PROS1: variants seen among roughly 807,000 people sequenced by gnomAD.
The protein encoded by PROS1 is vitamin K-dependent protein S.
Under a neutral mutation model 75.9 loss-of-function variants are expected in PROS1, and 29 were observed. The observed-to-expected ratio is 0.38, with a 90% CI of 0.28 to 0.52. The LOEUF (loss-of-function observed/expected upper bound fraction) is 0.52, where lower values mean the gene tolerates loss of function less well. PROS1 is among the 20% of genes least tolerant of loss of function. PROS1 has a pLI of 0.83. For synonymous variants in PROS1, 245 were observed against 280.6 expected, an observed-to-expected ratio of 0.87 and a Z score of 1.27; for missense variants, 680 against 810.3, an observed-to-expected ratio of 0.84 and a Z score of 1.95.
chr3:93,911,691 C>G (rs1420640804), intron 3 of PROS1, among the ~76,000 whole-genome samples: 1 of 152,166 alleles, frequency 6.6e-6, no homozygotes, highest in African/African-American at 2.4e-5. Context: ...AAGTTCTCCA[C>G]GTGGGTGTTT....
intron 1 of PROS1, among the ~76,000 whole-genome samples, chr3:93,955,697 T>G (rs1422143449): frequency 1.3e-5 from 2 of 150,854 alleles, no homozygotes; most frequent in African/African-American, 2.5e-5. Flanking sequence ...GCACGTTGTG[T>G]ACATGTACCC....
intron 3 of PROS1, among the ~76,000 whole-genome samples, chr3:93,912,077 T>A (rs188241252): frequency 5.6e-4 from 85 of 152,286 alleles, no homozygotes; most frequent in African/African-American, 2.0e-3. Flanking sequence ...ATAATAAAAA[T>A]TTATTGTTTT....
intron 1 of PROS1, chr3:93,928,728 C>T (rs1709063678): frequency 7.7e-7 from 1 of 1,292,956 alleles, no homozygotes; most frequent in Non-Finnish European, 1.0e-6. Context: ...AAAATTGCAT[C>T]CAGATAAGCC....
At chr3:93,917,046 C>T (rs1000833965) in intron 3 of PROS1, among the ~76,000 whole-genome samples, 1 of 152,154 alleles carries the variant, frequency 6.6e-6, no homozygotes, top group South Asian at 2.1e-4. Context: ...TCACAGAAGA[C>T]GCATCACATA....
chr3:93,961,652 A>G (rs1254241257), intron 1 of PROS1, among the ~76,000 whole-genome samples: 2 of 152,244 alleles, frequency 1.3e-5, no homozygotes, highest in Non-Finnish European at 2.9e-5. Flanking sequence ...CTAAGCTGTT[A>G]AATTTTTGGT....
At chr3:93,945,158 T>C (rs1488166676) in intron 1 of PROS1, among the ~76,000 whole-genome samples, 2 of 151,944 alleles carry the variant, frequency 1.3e-5, no homozygotes, top group Admixed American at 6.6e-5. Flanking sequence ...ATTAAGACAA[T>C]AGTTAAGAGC....
chr3:93,948,853 G>A (rs1709446721), intron 1 of PROS1, among the ~76,000 whole-genome samples: 2 of 151,956 alleles, frequency 1.3e-5, no homozygotes, highest in Non-Finnish European at 2.9e-5. Context: ...TATTTCCTTT[G>A]AGGTTATTTG....
chr3:93,877,113 G>A lies in PROS1; in HGVS notation c.1723C>T (p.Leu575=). The change falls in exon 14 of 15, where the codon CTG becomes TTG. Residue 575 remains leucine, a synonymous_variant. Coordinates refer to ENST00000394236, the MANE Select transcript of PROS1 (RefSeq NM_000313.4). ...LSLCSDQQSH[L]EFRVNRNNLE... The stretch of plus-strand genomic sequence containing the variant: ...TTGTTTCTGTTGACTCTAAATTCCA[G>A]ATGAGATTGTTGATCGGAACATAGA... 6.2e-7 allele frequency: 1 copy of A among 1,612,754 alleles called. No homozygotes were observed. The highest frequency in any genetic ancestry group is 1.1e-5 in the South Asian group (1 of 91,052).
intron 12 of PROS1, among the ~76,000 whole-genome samples, chr3:93,884,454 A>C (rs1206113378): frequency 6.6e-6 from 1 of 152,198 alleles, no homozygotes. Context: ...AAATCAGTGA[A>C]CTTTAAAATA....
chr3:93,927,403 C>G lies in PROS1; in HGVS notation c.81G>C (p.Leu27Phe), dbSNP rs200631087. 6.2e-7 allele frequency: 1 copy of G among 1,613,922 alleles called. No homozygotes were observed. Among genetic ancestry groups the G allele is most frequent in the African/African-American group, 1.3e-5 (1 of 75,016 alleles). Residue 27 changes from leucine (L) to phenylalanine (F), a missense_variant, in exon 2 of 15, where the codon TTG (leucine) becomes TTC (phenylalanine). By Grantham distance (22) the Leu-to-Phe change is conservative (BLOSUM62 0). Coordinates refer to ENST00000394236, the MANE Select transcript of PROS1 (RefSeq NM_000313.4). Reference protein sequence around the residue: ...LVLPVSEANFLSKQQASQVLV... With the variant: ...LVLPVSEANFFSKQQASQVLV... ...GGACTTGTGAAGCCTGTTGCTTTGA[C>G]AAAACTGAAGGAAACAATCAGTTTA...
At chr3:93,965,101 G>T (rs767276975) in intron 1 of PROS1, among the ~76,000 whole-genome samples, 3 of 152,198 alleles carry the variant, frequency 2.0e-5, no homozygotes, top group African/African-American at 7.2e-5. Flanking sequence ...CAGCGGGAGG[G>T]ACAAGGATCG....
At chr3:93,955,257 C>T (rs1007990609) in intron 1 of PROS1, among the ~76,000 whole-genome samples, 12 of 152,172 alleles carry the variant, frequency 7.9e-5, no homozygotes, top group Non-Finnish European at 1.2e-4. Context: ...AATCATGCTG[C>T]TATAAAGACA....
intron 4 of PROS1, among the ~76,000 whole-genome samples, chr3:93,909,795 A>C (rs2107176750): frequency 6.6e-6 from 1 of 152,002 alleles, no homozygotes; most frequent in East Asian, 1.9e-4. Context: ...TAATTTTTTA[A>C]AAAAGTCTTC....
At chr3:93,881,705 G>T (rs1463153205) in intron 12 of PROS1, among the ~76,000 whole-genome samples, 1 of 151,938 alleles carries the variant, frequency 6.6e-6, no homozygotes, top group Non-Finnish European at 1.5e-5. Context: ...GACTACAGGT[G>T]CATGCCATCA....
chr3:93,893,661 C>T (rs1488977726), intron 9 of PROS1, among the ~76,000 whole-genome samples: 1 of 152,008 alleles, frequency 6.6e-6, no homozygotes, highest in Non-Finnish European at 1.5e-5. Context: ...AGGAATCACT[C>T]GTGGAGATCT....
intron 1 of PROS1, among the ~76,000 whole-genome samples, chr3:93,939,475 T>C (rs1420040798): frequency 6.6e-6 from 1 of 152,112 alleles, no homozygotes; most frequent in Admixed American, 6.5e-5. Context: ...CAGGCTCCAA[T>C]TCTTCCTCGG....
chr3:93,888,234 T>C (rs1315211867), intron 10 of PROS1, among the ~76,000 whole-genome samples: 1 of 152,232 alleles, frequency 6.6e-6, no homozygotes, highest in Admixed American at 6.5e-5. Flanking sequence ...AAATTAATAT[T>C]ACCAATGGCA....
At position 93,909,269 on chromosome 3, in the gene PROS1, T is replaced by A. The variant is rs558847815; in HGVS notation, c.346+1350A>T. On this transcript the variant is annotated intron_variant, in intron 4 of 14. Transcript: ENST00000394236. ...CCTGGAGAACACACCCAAGACCCCA[T>A]CTCTATAAAAAATAAATTAGCCAGG... 3.3e-5 allele frequency among the ~76,000 whole-genome samples: 5 copies of A among 151,790 alleles called. No individual in the cohort carries two copies. In the South Asian group the frequency reaches 8.4e-4, roughly 25 times the overall value.
chr3:93,935,017 G>C (rs895094595), intron 1 of PROS1, among the ~76,000 whole-genome samples: 22 of 151,788 alleles, frequency 1.4e-4, no homozygotes, highest in Non-Finnish European at 2.6e-4. Context: ...GTACACGTTA[G>C]TTATTCCCTC....
Sources: gnomAD v4.1 joint callset for allele counts (sites outside exome capture counted in the v4.1 genomes callset) on GRCh38, gnomAD v4.1.1 for gene constraint, MANE v1.5 for transcripts, NCBI Gene and HGNC (gene_info 2026-07-23, HGNC 2026-07-21) for gene names.